PCSK1: variants seen among roughly 807,000 people sequenced by gnomAD.
PCSK1 encodes the protein proprotein convertase subtilisin/kexin type 1, also known as neuroendocrine convertase 1.
PCSK1 carries 56 observed loss-of-function variants against 90.6 expected under a neutral mutation model. The observed-to-expected ratio is 0.62, with a 90% confidence interval of 0.50 to 0.77. The LOEUF is 0.77. Among genes scored for constraint, PCSK1 ranks in the 30% least tolerant of loss-of-function variants. PCSK1 has a pLI of 0.00. For synonymous variants in PCSK1, 348 were observed against 342.4 expected (o/e 1.02, Z -0.18); for missense variants, 801 against 932.6 (o/e 0.86, Z 1.84).
chr5:96,407,456 G>A (rs949907114), intron 9 of PCSK1, among the ~76,000 whole-genome samples: 1 of 152,102 alleles, frequency 6.6e-6, no homozygotes, highest in Non-Finnish European at 1.5e-5. Context: ...TTTGACAAGG[G>A]TTTTGGAAAC....
intron 3 of PCSK1, among the ~76,000 whole-genome samples, chr5:96,424,633 A>G (rs1361508142): frequency 6.6e-6 from 1 of 152,180 alleles, no homozygotes. Flanking sequence ...GTGTTAACTG[A>G]TAAGTCTCTT....
intron 3 of PCSK1, 143 bp from the exon 4 acceptor site, chr5:96,423,602 GA>G: frequency 1.3e-6 from 1 of 768,366 alleles, no homozygotes; most frequent in Non-Finnish European, 2.2e-6. Context: ...AGTGAAATGA[GA>G]AAACAAAGTT....
At chr5:96,414,436 G>C (rs1274245578) in intron 6 of PCSK1, among the ~76,000 whole-genome samples, 2 of 152,142 alleles carry the variant, frequency 1.3e-5, no homozygotes. Context: ...CTTGAAACTG[G>C]GGAGCCAGAA....
intron 6 of PCSK1, among the ~76,000 whole-genome samples, chr5:96,415,631 A>T (rs1760916575): frequency 6.6e-6 from 1 of 152,176 alleles, no homozygotes; most frequent in African/African-American, 2.4e-5. Flanking sequence ...TTAAATTTTG[A>T]AGCTGTTCTT....
At chr5:96,406,587 T>A (rs192080735) in intron 9 of PCSK1, among the ~76,000 whole-genome samples, 109 of 152,264 alleles carry the variant, frequency 7.2e-4, no homozygotes, top group African/African-American at 2.5e-3. Context: ...ATACCCCATC[T>A]CCATAGGAAG....
intron 12 of PCSK1, among the ~76,000 whole-genome samples, chr5:96,395,669 A>C (rs1333180915): frequency 6.6e-6 from 1 of 152,170 alleles, no homozygotes; most frequent in African/African-American, 2.4e-5. Context: ...GAGGGATAGC[A>C]TTAGGAGAAA....
chr5:96,432,418 T>C (rs953859223), intron 1 of PCSK1, among the ~76,000 whole-genome samples: 1 of 152,200 alleles, frequency 6.6e-6, no homozygotes, highest in Non-Finnish European at 1.5e-5. Context: ...GACTTGGATC[T>C]GATGCTGCCA....
Position 96,412,406 on chromosome 5 carries a change from C to T in PCSK1, c.794G>A (p.Ser265Asn). The T allele has an allele frequency of 1.9e-6, 3 of 1,614,090 alleles. No individual in the cohort carries two copies. Among genetic ancestry groups the T allele is most frequent in the Non-Finnish European group, 1.7e-6 (2 of 1,179,954 alleles). The change falls in exon 7 of 14, where the codon AGT becomes AAT. Residue 265 changes from serine to asparagine, a missense_variant. Ser to Asn is a conservative substitution (Grantham distance 46). Transcript: ENST00000311106. ...GFNPGHVDIY[S>N]ASWGPNDDGK... is the part of the protein sequence containing the mutation. ...ATCATCATTAGGGCCCCAGCTTGCA[C>T]TGTAAATATCCACGTGTCCAGGATT...
At chr5:96,426,020 A>C (rs1287334139) in intron 2 of PCSK1, 90 bp from the exon 3 acceptor site, 14 of 755,490 alleles carry the variant, frequency 1.9e-5, no homozygotes, top group Admixed American at 9.9e-5. Flanking sequence ...TTCCCATCAG[A>C]GTTCAGGCAG....
chr5:96,401,014 G>C (rs1469439372), intron 9 of PCSK1, among the ~76,000 whole-genome samples: 2 of 149,702 alleles, frequency 1.3e-5, no homozygotes, highest in African/African-American at 5.0e-5. Context: ...GTGAACCTGG[G>C]AGGCGGAGCT....
At position 96,425,820 on chromosome 5, in the gene PCSK1, C is replaced by G. The variant is rs763585508; in HGVS notation, c.396G>C (p.Leu132Phe). Residue 132 changes from leucine to phenylalanine, a missense_variant and splice_region_variant, in exon 3 of 14, where the codon TTG becomes TTC. Leu to Phe is a conservative substitution (Grantham distance 22). Transcript: ENST00000311106. ...NDPMWNQQWY[L>F]QDTRMTAALP... ...ACATAGTCCTTCTGTAGGTACTTAC[C>G]AAGTACCATTGCTGATTCCACATGG... The G allele has an allele frequency of 1.3e-6, 2 of 1,513,530 alleles. No individual in the cohort carries two copies. The highest frequency in any genetic ancestry group is 1.8e-6 in the Non-Finnish European group (2 of 1,088,156). The allele number at this position is 1,513,530 out of a possible 1,614,324, so 93.8% of individuals were successfully genotyped here.
At chr5:96,425,997 A>G (rs1761295863) in intron 2 of PCSK1, 67 bp from the exon 3 acceptor site, 6 of 860,300 alleles carry the variant, frequency 7.0e-6, no homozygotes, top group East Asian at 2.5e-5. Context: ...TCCTCTAACT[A>G]TCTCCAGTAC....
chr5:96,431,364 G>T (rs1761489931), intron 1 of PCSK1, among the ~76,000 whole-genome samples: 1 of 152,100 alleles, frequency 6.6e-6, no homozygotes. Flanking sequence ...TCTCCTTTGG[G>T]CAGTTTTCAT....
In PCSK1 at chr5:96,416,127, G is replaced by A. The variant is rs1760931217; in HGVS notation, c.621-6C>T. 1.3e-6 allele frequency: 2 copies of A among 1,590,622 alleles called. No individual in the cohort carries two copies. The highest frequency in any genetic ancestry group is 8.6e-7 in the Non-Finnish European group (1 of 1,158,704). ...CTGCACATCTGGTCCCGTGTCTGAG[G>A]ATTGAAAAATAAGAATTATAAAACA... On this transcript the variant is annotated splice_region_variant and splice_polypyrimidine_tract_variant and intron_variant, in intron 5 of 13. Coordinates refer to ENST00000311106, the MANE Select transcript of PCSK1 (RefSeq NM_000439.5).
At chr5:96,430,473 T>C (rs1580771730) in intron 1 of PCSK1, among the ~76,000 whole-genome samples, 1 of 152,176 alleles carries the variant, frequency 6.6e-6, no homozygotes, top group South Asian at 2.1e-4. Context: ...TGGATGGAAC[T>C]GGGGAGAGAA....
chr5:96,403,790 T>C (rs1295308053), intron 9 of PCSK1, among the ~76,000 whole-genome samples: 1 of 152,224 alleles, frequency 6.6e-6, no homozygotes. Context: ...TTTTTCTAAC[T>C]TGGACTTTCT....
intron 5 of PCSK1, among the ~76,000 whole-genome samples, chr5:96,420,442 T>G (rs183403692): frequency 1.3e-5 from 2 of 152,308 alleles, no homozygotes; most frequent in East Asian, 3.9e-4. Flanking sequence ...CAGTGGTTCC[T>G]ATTGTGTTTT....
intron 12 of PCSK1, among the ~76,000 whole-genome samples, 178 bp from the exon 13 acceptor site, chr5:96,395,203 C>T (rs917788124): frequency 2.8e-4 from 43 of 152,328 alleles, no homozygotes; most frequent in African/African-American, 1.0e-3. Context: ...GTAGGTTCAA[C>T]AGTTTAGAAA....
Position 96,423,468 on chromosome 5 carries a change from G to A in PCSK1, c.397-9C>T. ...GTCATCCTGGTATCTTGCTGGTAAAGAAAAACAACGAAGCATTGATAAAAT... is the reference window on the plus strand; with the variant it reads ...GTCATCCTGGTATCTTGCTGGTAAAAAAAAACAACGAAGCATTGATAAAAT... On this transcript the variant is annotated splice_polypyrimidine_tract_variant and intron_variant, in intron 3 of 13. Transcript: ENST00000311106. 1 of 1,613,640 alleles carries A rather than the reference G, an allele frequency of 6.2e-7. No homozygotes were observed. The highest frequency in any genetic ancestry group is 8.5e-7 in the Non-Finnish European group (1 of 1,179,586).
Sources: allele counts gnomAD v4.1 joint callset (sites outside exome capture counted in the v4.1 genomes callset), GRCh38; gene constraint gnomAD v4.1.1; transcripts MANE v1.5; gene names NCBI Gene and HGNC (gene_info 2026-07-23, HGNC 2026-07-21).